The following VIT variants were observed in gnomAD, a reference collection of about 807,000 sequenced individuals.
VIT encodes the protein vitrin.
A neutral mutation model predicts 78.0 loss-of-function variants in VIT; 99 were observed. The observed-to-expected ratio is 1.27, with a 90% confidence interval of 1.08 to 1.50. The LOEUF is 1.50. Ranked by LOEUF, VIT falls within the 40% of genes most tolerant of loss-of-function variation. The pLI is 0.00. For synonymous variants in VIT, 374 were observed against 334.3 expected (o/e 1.12, Z -1.29); for missense variants, 1,126 against 875.3 (o/e 1.29, Z -3.61).
chr2:36,762,674 G>C (rs1263893962), intron 6 of VIT, among the ~76,000 whole-genome samples: 1 of 152,178 alleles, frequency 6.6e-6, no homozygotes, highest in Non-Finnish European at 1.5e-5. Context: ...AAGCAGAAGA[G>C]ATGAAGGCTG....
chr2:36,738,746 A>G (rs568127265), intron 3 of VIT, among the ~76,000 whole-genome samples: 1 of 152,348 alleles, frequency 6.6e-6, no homozygotes, highest in South Asian at 2.1e-4. Context: ...AGTGTGCGAG[A>G]CAACATGCAT....
chr2:36,774,364 T>C (rs1669931751), intron 8 of VIT, among the ~76,000 whole-genome samples: 1 of 152,142 alleles, frequency 6.6e-6, no homozygotes, highest in African/African-American at 2.4e-5. Flanking sequence ...TCCAGCAAAT[T>C]CTCTTCTCTG....
chr2:36,798,363 G>A (rs572903700), intron 12 of VIT, among the ~76,000 whole-genome samples: 21 of 152,286 alleles, frequency 1.4e-4, no homozygotes, highest in Non-Finnish European at 1.9e-4. Flanking sequence ...GAATAAAAGC[G>A]AATGAATGTA....
chr2:36,714,389 C>T (rs75066451), intron 1 of VIT, among the ~76,000 whole-genome samples: 5,508 of 152,166 alleles, frequency 0.036, 163 homozygotes, highest in East Asian at 0.14. Context: ...CAAAATCAGC[C>T]ATGGTAGGAG....
rs1305388214 is a variant in VIT at position 36,814,245 on chromosome 2, A to G, written c.1966A>G (p.Thr656Ala). Residue 656 changes from threonine to alanine, a missense_variant, in exon 16 of 16, where the codon ACT becomes GCT. Thr to Ala is a moderately conservative substitution (Grantham distance 58). Transcript: ENST00000379242. ...AAQEELEVIA[T>A]HPARDHSFFV... The stretch of plus-strand genomic sequence containing the variant: ...CCAAGAGGAGCTAGAAGTCATTGCC[A>G]CTCACCCCGCCAGAGACCACTCCTT... The G allele has an allele frequency of 1.9e-6, 3 of 1,614,094 alleles. No homozygotes were observed. The highest frequency in any genetic ancestry group is 2.2e-5 in the East Asian group (1 of 44,878).
intron 4 of VIT, among the ~76,000 whole-genome samples, chr2:36,748,424 C>T (rs931165427): frequency 1.3e-5 from 2 of 152,130 alleles, no homozygotes; most frequent in African/African-American, 2.4e-5. Context: ...CAGAGGTTTT[C>T]TTCATTTCTT....
intron 2 of VIT, 50 bp downstream of exon 2, chr2:36,716,472 G>T: frequency 6.3e-7 from 1 of 1,579,912 alleles, no homozygotes; most frequent in Middle Eastern, 1.9e-4. Context: ...ATTTTCCTAA[G>T]ATCCAAAGAA....
At chr2:36,797,403 C>T (rs1019368236) in intron 12 of VIT, among the ~76,000 whole-genome samples, 7 of 152,072 alleles carry the variant, frequency 4.6e-5, no homozygotes, top group East Asian at 1.9e-4. Flanking sequence ...AACTTGGGGA[C>T]GGAAAGGATG....
chr2:36,780,034 G>A (rs1052949837), intron 9 of VIT, among the ~76,000 whole-genome samples: 2 of 152,158 alleles, frequency 1.3e-5, no homozygotes, highest in Admixed American at 1.3e-4. Context: ...GTTCCTCCTT[G>A]ACGCCAGAAT....
intron 9 of VIT, among the ~76,000 whole-genome samples, chr2:36,778,213 T>G (rs1670186095): frequency 6.6e-6 from 1 of 152,380 alleles, no homozygotes; most frequent in East Asian, 1.9e-4. Context: ...TCTAGAATTA[T>G]GCTGCTGGGG....
At position 36,767,272 on chromosome 2, in the gene VIT, G is replaced by A. The variant is rs779999743; in HGVS notation, c.666G>A (p.Arg222=). 7.8e-5 allele frequency: 122 copies of A among 1,570,526 alleles called. No individual in the cohort carries two copies. Among genetic ancestry groups the A allele is most frequent in the Middle Eastern group, 1.7e-4 (1 of 5,920 alleles). Residue 222 remains arginine (R), a synonymous_variant, in exon 7 of 16, where the codon AGG becomes AGA. Transcript: ENST00000379242. The part of the protein sequence containing the change: ...SIPRPQSVGH[R]SQEMDLWSTA... ...CCAGACCACAATCAGTGGGCCACAG[G>A]AGCCAGGAGATGGGTCAGTAGGTAG... is the stretch of plus-strand genomic sequence containing the variant.
At chr2:36,744,449 T>C (rs568090286) in intron 4 of VIT, among the ~76,000 whole-genome samples, 2 of 152,332 alleles carry the variant, frequency 1.3e-5, no homozygotes, top group East Asian at 1.9e-4. Flanking sequence ...CAACAATGTA[T>C]AAGCATTCCC....
chr2:36,773,310 G>A (rs1191804111), intron 7 of VIT, among the ~76,000 whole-genome samples: 3 of 146,270 alleles, frequency 2.1e-5, no homozygotes, highest in African/African-American at 7.8e-5. Flanking sequence ...GGTGTTTTAG[G>A]TTAAATACTC....
intron 9 of VIT, among the ~76,000 whole-genome samples, chr2:36,778,768 G>A (rs762784829): frequency 6.6e-6 from 1 of 152,198 alleles, no homozygotes; most frequent in East Asian, 1.9e-4. Context: ...GCAAGAAGCA[G>A]CTCTCCAGGG....
chr2:36,811,832 C>A (rs999421344), intron 15 of VIT, among the ~76,000 whole-genome samples: 1 of 151,974 alleles, frequency 6.6e-6, no homozygotes, highest in Admixed American at 6.6e-5. Context: ...GCCACCACAC[C>A]CAGCTAATTT....
At chr2:36,736,414 A>G (rs532139044) in intron 3 of VIT, among the ~76,000 whole-genome samples, 3 of 152,240 alleles carry the variant, frequency 2.0e-5, no homozygotes, top group African/African-American at 7.2e-5. Context: ...CACATAAATT[A>G]TGTCCACCAG....
chr2:36,795,696 C>T (rs1308546132), intron 12 of VIT, among the ~76,000 whole-genome samples: 2 of 152,006 alleles, frequency 1.3e-5, no homozygotes, highest in Non-Finnish European at 2.9e-5. Context: ...ATTACAGGCG[C>T]CCAGCCCACT....
At chr2:36,721,989 G>C (rs2058684) in intron 2 of VIT, among the ~76,000 whole-genome samples, 91,178 of 152,174 alleles carry the variant, frequency 0.6, 27,682 homozygotes, top group Admixed American at 0.68. Context: ...CTCTAGTGCT[G>C]ACCACATATC....
intron 3 of VIT, among the ~76,000 whole-genome samples, chr2:36,731,929 T>G (rs1363407840): frequency 1.3e-5 from 2 of 152,254 alleles, no homozygotes; most frequent in African/African-American, 4.8e-5. Context: ...CCTTTTTTCT[T>G]CTGCTCTTTT....
Sources: allele counts gnomAD v4.1 joint callset (sites outside exome capture counted in the v4.1 genomes callset), GRCh38; gene constraint gnomAD v4.1.1; transcripts MANE v1.5; gene names NCBI Gene and HGNC (gene_info 2026-07-23, HGNC 2026-07-21).